PDGFRA: variants seen among roughly 807,000 people sequenced by gnomAD.
PDGFRA encodes platelet derived growth factor receptor alpha, also known as platelet-derived growth factor receptor alpha.
PDGFRA carries 25 observed loss-of-function variants against 121.5 expected under a neutral mutation model. That is an observed-to-expected ratio of 0.21 (90% CI 0.15 to 0.29). The LOEUF (loss-of-function observed/expected upper bound fraction) is 0.29, where lower values mean the gene tolerates loss of function less well. Ranked by LOEUF, PDGFRA falls within the 10% of genes least tolerant of loss-of-function variation. The pLI, the probability that PDGFRA is intolerant of heterozygous loss-of-function variation, is 1.00. For synonymous variants in PDGFRA, 463 were observed against 494.8 expected (o/e 0.94, Z 0.85); for missense variants, 1,008 against 1,345.1 (o/e 0.75, Z 3.92).
intron 1 of PDGFRA, among the ~76,000 whole-genome samples, chr4:54,233,172 G>A (rs976033005): frequency 1.3e-5 from 2 of 151,202 alleles, no homozygotes; most frequent in African/African-American, 4.9e-5. Context: ...GGTTCAGAGC[G>A]CGGCGCGCAG....
At chr4:54,261,530 A>G in intron 3 of PDGFRA, 118 bp downstream of exon 3, 2 of 631,016 alleles carry the variant, frequency 3.2e-6, no homozygotes, top group Middle Eastern at 4.2e-4. Context: ...AGTTTGAAAA[A>G]TGTAAGCGAA....
intron 8 of PDGFRA, among the ~76,000 whole-genome samples, chr4:54,271,989 C>T (rs1577721772): frequency 1.6e-4 from 1 of 6,104 alleles, no homozygotes; most frequent in Non-Finnish European, 3.6e-4. Flanking sequence ...TCCCCCTCCC[C>T]TCCCCCCTCC....
rs61735621 is a variant in PDGFRA, at chr4:54,272,436, C to T, written c.1280C>T (p.Ser427Leu). Reference protein sequence around the residue: ...ILDLVDDHHGSTGGQTVRCTA... With the variant: ...ILDLVDDHHGLTGGQTVRCTA... ...GACTTGGTCGATGATCACCATGGCTCAACTGGGGGACAGACGGTGAGGTGC... is the reference window on the plus strand; with the variant it reads ...GACTTGGTCGATGATCACCATGGCTTAACTGGGGGACAGACGGTGAGGTGC... Residue 427 changes from serine (S) to leucine (L), a missense_variant, in exon 9 of 23, where the codon TCA (serine) becomes TTA (leucine). Ser to Leu is a moderately radical substitution (Grantham distance 145). Transcript: ENST00000257290. 1.0e-4 allele frequency: 161 copies of T among 1,614,002 alleles called. No individual in the cohort carries two copies. The African/African-American group carries it at 1.9e-3, about 20-fold the overall frequency.
chr4:54,245,607 T>A (rs1264768134), intron 1 of PDGFRA, among the ~76,000 whole-genome samples: 1 of 151,900 alleles, frequency 6.6e-6, no homozygotes, highest in Non-Finnish European at 1.5e-5. Flanking sequence ...CACTGCAAAA[T>A]CATGCCAAAT....
chr4:54,258,912 C>T, intron 2 of PDGFRA, 95 bp downstream of exon 2: 2 of 977,804 alleles, frequency 2.0e-6, no homozygotes, highest in South Asian at 1.3e-5. Flanking sequence ...TCTGCATACA[C>T]AGTCCAAAAG....
intron 1 of PDGFRA, 104 bp downstream of exon 1, chr4:54,229,519 A>AAT (rs1720541730): frequency 2.5e-6 from 1 of 393,354 alleles, no homozygotes; most frequent in African/African-American, 2.1e-5. Context: ...CGACAAGAAA[A>AAT]AAAAAAAGGA....
intron 1 of PDGFRA, among the ~76,000 whole-genome samples, chr4:54,255,774 G>A (rs1289060435): frequency 2.0e-5 from 3 of 151,742 alleles, no homozygotes; most frequent in Non-Finnish European, 4.4e-5. Flanking sequence ...CAAAGTGCTG[G>A]GATTACAGGC....
intron 16 of PDGFRA, among the ~76,000 whole-genome samples, chr4:54,283,313 C>T (rs1724164375): frequency 6.6e-6 from 1 of 152,180 alleles, no homozygotes; most frequent in South Asian, 2.1e-4. Context: ...GGCAGAGGCT[C>T]CCAAGCCTCA....
In PDGFRA at chr4:54,297,595, C is replaced by G. The variant is rs1021916491; in HGVS notation, c.*2323C>G. 52 of 233,568 alleles carry G rather than the reference C, an allele frequency of 2.2e-4. No individual in the cohort carries two copies. Among genetic ancestry groups the G allele is most frequent in the African/African-American group, 1.1e-3 (50 of 45,340 alleles). 14.5% of individuals were successfully genotyped at this position (233,568 alleles called of 1,614,324 possible). On this transcript the variant is annotated 3_prime_UTR_variant, in exon 23 of 23. Transcript: ENST00000257290. ...CATCATGAGGCCGGATGAAACTTCT[C>G]AGTCCAGCAGTTTCCAGTCCTAACA...
At chr4:54,270,133 T>C (rs1379387009) in intron 7 of PDGFRA, among the ~76,000 whole-genome samples, 1 of 152,124 alleles carries the variant, frequency 6.6e-6, no homozygotes, top group Admixed American at 6.6e-5. Context: ...CAGAGTTTCT[T>C]TAAGCAAAAT....
At chr4:54,242,087 A>G (rs114565888) in intron 1 of PDGFRA, among the ~76,000 whole-genome samples, 1 of 152,094 alleles carries the variant, frequency 6.6e-6, no homozygotes, top group East Asian at 1.9e-4. Flanking sequence ...AAAGCAATAC[A>G]GTGGTTGTTT....
In PDGFRA at chr4:54,280,460, A is replaced by G. The variant is rs1724015075; in HGVS notation, c.2301A>G (p.Ser767=). Reference sequence around the variant, plus strand: ...GATCACTCTATGATCGTCCAGCCTCATATAAGAAGAAATCTATGTTAGGTA... The same window carrying G: ...GATCACTCTATGATCGTCCAGCCTCGTATAAGAAGAAATCTATGTTAGGTA... The part of the protein sequence containing the change: ...IQRSLYDRPA[S]YKKKSMLDSE... Residue 767 remains serine (S), a synonymous_variant, in exon 16 of 23, where the codon TCA becomes TCG. Transcript: ENST00000257290. 1.2e-6 allele frequency: 2 copies of G among 1,613,652 alleles called. No homozygotes were observed. Among genetic ancestry groups the G allele is most frequent in the Non-Finnish European group, 1.7e-6 (2 of 1,179,596 alleles).
rs573196995 is a variant in PDGFRA, at chr4:54,280,870, A to G, written c.2323+388A>G. 4.0e-5 allele frequency: 7 copies of G among 173,212 alleles called. No individual in the cohort carries two copies. In the South Asian group the frequency reaches 9.0e-4, roughly 22 times the overall value. 10.7% of individuals were successfully genotyped at this position (173,212 alleles called of 1,614,324 possible). On this transcript the variant is annotated intron_variant, in intron 16 of 22. Coordinates refer to ENST00000257290, the MANE Select transcript of PDGFRA (RefSeq NM_006206.6). ...ATTTTTTTTAATGCCCTTACTTGGC[A>G]GAATTACAAGTTGGCTGTCTTATGT... is the stretch of plus-strand genomic sequence containing the variant.
At chr4:54,250,362 G>T (rs971025098) in intron 1 of PDGFRA, among the ~76,000 whole-genome samples, 9 of 152,094 alleles carry the variant, frequency 5.9e-5, no homozygotes, top group African/African-American at 2.2e-4. Context: ...GACCTGATTA[G>T]TCCTTCTAGA....
intron 2 of PDGFRA, among the ~76,000 whole-genome samples, chr4:54,259,595 A>G (rs1034516410): frequency 6.6e-6 from 1 of 152,162 alleles, no homozygotes; most frequent in African/African-American, 2.4e-5. Flanking sequence ...TCGCCATGAA[A>G]CCAGTGCTCT....
At position 54,295,013 on chromosome 4, in the gene PDGFRA, C is replaced by G. The variant is rs180872904; in HGVS notation, c.3123-112C>G. On this transcript the variant is annotated intron_variant, in intron 22 of 22. Transcript: ENST00000257290. ...GGCCTGGGGGCAGAATCTTGCCATA[C>G]TGTGCAGCCCAAATTTGAATGCCAA... The G allele has an allele frequency of 2.3e-3, 2,500 of 1,092,204 alleles. 11 individuals are homozygous for G. The highest frequency in any genetic ancestry group is 2.3e-3 in the Non-Finnish European group (1,655 of 716,302). The allele number at this position is 1,092,204 out of a possible 1,614,324, so 67.7% of individuals were successfully genotyped here. A position where few individuals can be genotyped will look rare whatever the true frequency, so the allele number is the denominator to read the frequency against.
At chr4:54,254,156 C>G (rs1230973345) in intron 1 of PDGFRA, among the ~76,000 whole-genome samples, 1 of 152,190 alleles carries the variant, frequency 6.6e-6, no homozygotes, top group East Asian at 1.9e-4. Flanking sequence ...GAAAGCCTCA[C>G]TACAGGTCTA....
rs1351933940 is a variant in PDGFRA at position 54,273,696 on chromosome 4, A to C, written c.1524A>C (p.Gly508=). 6.2e-7 allele frequency: 1 copy of C among 1,613,886 alleles called. No individual in the cohort carries two copies. The highest frequency in any genetic ancestry group is 1.1e-5 in the South Asian group (1 of 91,072). ...GATGCCTGGCTAAGAATCTCCTTGG[A>C]GCTGAGAACCGAGAGCTGAAGCTGG... ...AVRCLAKNLL[G]AENRELKLVA... Residue 508 remains glycine, a synonymous_variant, in exon 10 of 23, where the codon GGA becomes GGC. Transcript: ENST00000257290.
intron 1 of PDGFRA, among the ~76,000 whole-genome samples, chr4:54,248,093 A>G (rs546137008): frequency 6.6e-6 from 1 of 152,378 alleles, no homozygotes; most frequent in South Asian, 2.1e-4. Context: ...AGACCATTCC[A>G]TGCTCATGTG....
Sources: gnomAD v4.1 joint callset for allele counts (sites outside exome capture counted in the v4.1 genomes callset) on GRCh38, gnomAD v4.1.1 for gene constraint, MANE v1.5 for transcripts, NCBI Gene and HGNC (gene_info 2026-07-23, HGNC 2026-07-21) for gene names.